The following MDGA2 variants were observed in gnomAD, a reference collection of about 807,000 sequenced individuals.
The protein encoded by MDGA2 is MAM domain containing glycosylphosphatidylinositol anchor 2.
A neutral mutation model predicts 117.8 loss-of-function variants in MDGA2; 40 were observed. That is an observed-to-expected ratio of 0.34 (90% confidence interval 0.26 to 0.44). MDGA2 has a LOEUF of 0.44. Ranked by LOEUF, MDGA2 falls within the 20% of genes least tolerant of loss-of-function variation. The pLI, the probability that MDGA2 is intolerant of heterozygous loss-of-function variation, is 1.00. For synonymous variants in MDGA2, 452 were observed against 439.0 expected, an observed-to-expected ratio of 1.03 and a Z score of -0.37; for missense variants, 1,123 against 1,250.6, an observed-to-expected ratio of 0.90 and a Z score of 1.54.
At chr14:47,595,396 C>T (rs1034722517) in intron 1 of MDGA2, among the ~76,000 whole-genome samples, 2 of 151,390 alleles carry the variant, frequency 1.3e-5, no homozygotes, top group Non-Finnish European at 1.5e-5. Context: ...TAGCTGGGCA[C>T]GGTGGTGGGC....
At chr14:46,903,812 ATT>A (rs1883385292) in intron 10 of MDGA2, among the ~76,000 whole-genome samples, 1 of 152,108 alleles carries the variant, frequency 6.6e-6, no homozygotes, top group Admixed American at 6.5e-5. Flanking sequence ...TGACTGTGTG[ATT>A]TATTATGATT....
chr14:47,192,173 G>A (rs1246994994), intron 3 of MDGA2, among the ~76,000 whole-genome samples: 2 of 152,186 alleles, frequency 1.3e-5, no homozygotes, highest in Non-Finnish European at 2.9e-5. Context: ...TGACAGACAA[G>A]AAGAGAAACA....
intron 1 of MDGA2, among the ~76,000 whole-genome samples, chr14:47,605,088 C>CTT (rs113284410): frequency 0.4 from 60,143 of 151,866 alleles, 12,956 homozygotes; most frequent in African/African-American, 0.59. Flanking sequence ...CCTCCTCTCT[C>CTT]TTTTCCCCCA....
At position 47,317,166 on chromosome 14, in the gene MDGA2, T is replaced by C. The variant is rs76575079; in HGVS notation, c.281-15616A>G. On this transcript the variant is annotated intron_variant, in intron 1 of 16. Transcript: ENST00000399232. ...GAAGAGCACCTCAGTAACAATGAAA[T>C]ACAAATATTTCTGCGCCTACATTAC... Among the ~76,000 whole-genome samples, 720 of 152,158 alleles carry C rather than the reference T, an allele frequency of 4.7e-3. 7 individuals carry two copies. The highest frequency in any genetic ancestry group is 0.017 in the African/African-American group (688 of 41,522).
chr14:47,529,116 A>T (rs1418982457), intron 1 of MDGA2, among the ~76,000 whole-genome samples: 1 of 151,764 alleles, frequency 6.6e-6, no homozygotes. Context: ...CTCCTGTCTC[A>T]GCCTCCTGAG....
intron 1 of MDGA2, among the ~76,000 whole-genome samples, chr14:47,460,130 C>T (rs1306388564): frequency 6.6e-6 from 1 of 152,068 alleles, no homozygotes; most frequent in East Asian, 1.9e-4. Context: ...CAGTCATCAT[C>T]ATTATTAAAA....
At position 47,278,348 on chromosome 14, in the gene MDGA2, T is replaced by TA. The variant is rs567166516; in HGVS notation, c.420+23062dup. On this transcript the variant is annotated intron_variant, in intron 2 of 16. Transcript: ENST00000399232. ...CATGGGGTCCACAACGAGATTCTGATACATACAATGTATAGTGATCAGATC... is the reference window on the plus strand; with the variant it reads ...CATGGGGTCCACAACGAGATTCTGATAACATACAATGTATAGTGATCAGATC... 2.9e-3 allele frequency among the ~76,000 whole-genome samples: 448 copies of TA among 152,194 alleles called. 4 individuals are homozygous for TA. Among genetic ancestry groups the TA allele is most frequent in the African/African-American group, 0.01 (429 of 41,510 alleles).
At chr14:46,912,411 C>T (rs2138485691) in intron 10 of MDGA2, among the ~76,000 whole-genome samples, 1 of 152,170 alleles carries the variant, frequency 6.6e-6, no homozygotes, top group Non-Finnish European at 1.5e-5. Context: ...AGTTTCATAT[C>T]TAATGCTTTT....
At chr14:47,141,899 T>C (rs1256715986) in intron 4 of MDGA2, among the ~76,000 whole-genome samples, 1 of 152,168 alleles carries the variant, frequency 6.6e-6, no homozygotes, top group African/African-American at 2.4e-5. Context: ...AAATGATAAA[T>C]GTATCAGGTA....
chr14:47,070,937 G>A (rs1318283367), intron 6 of MDGA2, among the ~76,000 whole-genome samples: 1 of 152,170 alleles, frequency 6.6e-6, no homozygotes, highest in African/African-American at 2.4e-5. Flanking sequence ...AGTTCACCCA[G>A]CATTTAAAAA....
At chr14:47,127,264 A>G (rs1881952548) in intron 5 of MDGA2, among the ~76,000 whole-genome samples, 1 of 152,138 alleles carries the variant, frequency 6.6e-6, no homozygotes, top group South Asian at 2.1e-4. Context: ...GATTATAGCA[A>G]TGGTAACTTA....
intron 8 of MDGA2, among the ~76,000 whole-genome samples, chr14:47,025,166 A>G (rs1888428050): frequency 6.6e-6 from 1 of 152,220 alleles, no homozygotes; most frequent in Admixed American, 6.5e-5. Flanking sequence ...GCAGATGAAA[A>G]GAGTAGGTGC....
intron 4 of MDGA2, 70 bp downstream of exon 4, chr14:47,144,008 A>T (rs1882832752): frequency 8.6e-7 from 1 of 1,167,528 alleles, no homozygotes; most frequent in African/African-American, 1.6e-5. Flanking sequence ...AATAGCTATG[A>T]ATTCATGCTG....
chr14:46,985,077 G>C (rs186462690), intron 8 of MDGA2, among the ~76,000 whole-genome samples: 1 of 152,100 alleles, frequency 6.6e-6, no homozygotes, highest in East Asian at 1.9e-4. Flanking sequence ...CATGGAAAGA[G>C]AACTCTCCTC....
chr14:47,056,605 G>C (rs181036229), intron 7 of MDGA2, among the ~76,000 whole-genome samples: 9 of 151,760 alleles, frequency 5.9e-5, no homozygotes, highest in Admixed American at 5.3e-4. Context: ...TTAGGTTTTC[G>C]AGGCATGATG....
At chr14:47,293,094 C>T (rs567848987) in intron 2 of MDGA2, among the ~76,000 whole-genome samples, 1 of 152,214 alleles carries the variant, frequency 6.6e-6, no homozygotes, top group East Asian at 1.9e-4. Flanking sequence ...GGACAGTCAC[C>T]CTGAGCTTCT....
At chr14:47,436,818 A>T (rs1183351462) in intron 1 of MDGA2, among the ~76,000 whole-genome samples, 1 of 152,124 alleles carries the variant, frequency 6.6e-6, no homozygotes, top group African/African-American at 2.4e-5. Context: ...TAGCCAGTTC[A>T]TTTCTTGAGG....
At chr14:47,208,648 G>A (rs1885774665) in intron 3 of MDGA2, among the ~76,000 whole-genome samples, 1 of 151,452 alleles carries the variant, frequency 6.6e-6, no homozygotes, top group African/African-American at 2.4e-5. Context: ...TCAGAACCCT[G>A]GATGCCAATG....
chr14:46,965,348 T>C (rs1212159113), intron 8 of MDGA2, among the ~76,000 whole-genome samples: 1 of 152,192 alleles, frequency 6.6e-6, no homozygotes, highest in African/African-American at 2.4e-5. Flanking sequence ...TGCCCACACC[T>C]GAAAGATTCA....
Sources: allele counts gnomAD v4.1 joint callset (sites outside exome capture counted in the v4.1 genomes callset), GRCh38; gene constraint gnomAD v4.1.1; transcripts MANE v1.5; gene names NCBI Gene and HGNC (gene_info 2026-07-23, HGNC 2026-07-21).